The following FGD4 variants were observed in gnomAD, a reference collection of about 807,000 sequenced individuals.
The protein encoded by FGD4 is FYVE, RhoGEF and PH domain containing 4, also known as FYVE, RhoGEF and PH domain-containing protein 4.
In FGD4, 42 loss-of-function variants were observed where a neutral mutation model predicts 102.0. The observed-to-expected ratio is 0.41, with a 90% CI of 0.32 to 0.53. FGD4 has a LOEUF of 0.53. Among genes scored for constraint, FGD4 ranks in the 20% least tolerant of loss-of-function variants. The probability of loss-of-function intolerance (pLI) is 0.21; values close to 1 mark genes in which losing one functional copy is unlikely to be tolerated. For missense variants in FGD4, 902 were observed against 1,078.2 expected, an observed-to-expected ratio of 0.84 and a Z score of 2.29; for synonymous variants, 380 against 375.7, an observed-to-expected ratio of 1.01 and a Z score of -0.13.
chr12:32,447,058 T>TAC (rs1942637992), intron 1 of FGD4, among the ~76,000 whole-genome samples: 1 of 152,124 alleles, frequency 6.6e-6, no homozygotes, highest in Admixed American at 6.5e-5. Flanking sequence ...AGTCCCTATA[T>TAC]ACACACAAAA....
At chr12:32,602,418 C>A in intron 7 of FGD4, 101 bp downstream of exon 7, 2 of 1,397,146 alleles carry the variant, frequency 1.4e-6, no homozygotes, top group Non-Finnish European at 2.0e-6. Flanking sequence ...GTCTGAGATA[C>A]CTAGCCAAAA....
chr12:32,622,298 G>A (rs1240716192), intron 11 of FGD4, among the ~76,000 whole-genome samples: 1 of 152,200 alleles, frequency 6.6e-6, no homozygotes, highest in Non-Finnish European at 1.5e-5. Flanking sequence ...TCTAACTACA[G>A]GGTAGATATT....
intron 3 of FGD4, among the ~76,000 whole-genome samples, chr12:32,581,610 CTAAG>C (rs1457239725): frequency 6.6e-6 from 1 of 152,044 alleles, no homozygotes; most frequent in African/African-American, 2.4e-5. Flanking sequence ...TTATATCTAA[CTAAG>C]TCTTTACTAA....
intron 1 of FGD4, among the ~76,000 whole-genome samples, chr12:32,400,203 AT>A (rs1244446420): frequency 6.6e-6 from 1 of 152,216 alleles, no homozygotes; most frequent in Non-Finnish European, 1.5e-5. Context: ...TTCTCAGAAA[AT>A]TCAGAAAGTA....
intron 2 of FGD4, among the ~76,000 whole-genome samples, chr12:32,571,508 A>G (rs1565856185): frequency 6.6e-6 from 1 of 152,224 alleles, no homozygotes; most frequent in South Asian, 2.1e-4. Context: ...ATGGGTTACA[A>G]GAAGTATTGA....
intron 1 of FGD4, among the ~76,000 whole-genome samples, chr12:32,490,615 T>TCTTGAACTCCTGAC (rs200786802): frequency 0.034 from 5,195 of 152,142 alleles, 155 homozygotes; most frequent in South Asian, 0.13. Flanking sequence ...GCCAGGCTGG[T>TCTTGAACTCCTGAC]CTTGAACTCC....
At chr12:32,524,833 AAAAAT>A (rs1315459725) in intron 1 of FGD4, among the ~76,000 whole-genome samples, 2 of 152,212 alleles carry the variant, frequency 1.3e-5, no homozygotes, top group African/African-American at 4.8e-5. Flanking sequence ...CAAAAAAAAA[AAAAAT>A]GAGCACAGAG....
intron 1 of FGD4, among the ~76,000 whole-genome samples, chr12:32,554,632 T>C (rs1565834131): frequency 6.6e-6 from 1 of 152,158 alleles, no homozygotes; most frequent in Non-Finnish European, 1.5e-5. Context: ...TAGAAAGCCA[T>C]AGGTGCTACA....
At chr12:32,454,514 T>A (rs1412510783) in intron 1 of FGD4, among the ~76,000 whole-genome samples, 1 of 152,226 alleles carries the variant, frequency 6.6e-6, no homozygotes, top group African/African-American at 2.4e-5. Flanking sequence ...TGGTCTTAAT[T>A]TCATAGGCAC....
chr12:32,413,305 A>G (rs1181396058), intron 1 of FGD4, among the ~76,000 whole-genome samples: 3 of 152,154 alleles, frequency 2.0e-5, no homozygotes, highest in Non-Finnish European at 4.4e-5. Flanking sequence ...AAACCTATTT[A>G]TAGAAAAAAA....
intron 1 of FGD4, among the ~76,000 whole-genome samples, chr12:32,512,169 G>A (rs1047748240): frequency 4.6e-5 from 7 of 152,060 alleles, no homozygotes; most frequent in Non-Finnish European, 8.8e-5. Context: ...GCTTGTGGCC[G>A]GGTGCAGTGG....
At chr12:32,402,374 G>A (rs993551342) in intron 1 of FGD4, among the ~76,000 whole-genome samples, 3 of 151,508 alleles carry the variant, frequency 2.0e-5, no homozygotes, top group African/African-American at 7.3e-5. Context: ...TTCCAGCCTG[G>A]GCAACAGAGT....
At chr12:32,504,570 T>C (rs1338472573) in intron 1 of FGD4, among the ~76,000 whole-genome samples, 4 of 152,248 alleles carry the variant, frequency 2.6e-5, no homozygotes, top group African/African-American at 9.6e-5. Context: ...CTGAGGTGTC[T>C]GTGGTTTCTT....
chr12:32,425,852 C>T (rs558754713), intron 1 of FGD4, among the ~76,000 whole-genome samples: 1 of 152,144 alleles, frequency 6.6e-6, no homozygotes, highest in East Asian at 1.9e-4. Flanking sequence ...TGGGAATTCA[C>T]TCATGATTTG....
intron 4 of FGD4, among the ~76,000 whole-genome samples, chr12:32,584,193 A>G (rs7302616): frequency 0.091 from 13,840 of 152,218 alleles, 2,096 homozygotes; most frequent in African/African-American, 0.31. Flanking sequence ...AGAAAAAGCA[A>G]ATTTTCTCTG....
chr12:32,603,390 A>C (rs983078082), intron 7 of FGD4, among the ~76,000 whole-genome samples: 1 of 146,686 alleles, frequency 6.8e-6, no homozygotes, highest in East Asian at 2.0e-4. Context: ...TATTTTATTT[A>C]TTTTTTTTTT....
intron 1 of FGD4, among the ~76,000 whole-genome samples, chr12:32,519,641 A>G (rs1048240694): frequency 1.6e-4 from 25 of 151,916 alleles, no homozygotes; most frequent in African/African-American, 6.0e-4. Flanking sequence ...AAAATAAAAT[A>G]AAATAAAAAA....
intron 8 of FGD4, among the ~76,000 whole-genome samples, chr12:32,608,552 C>T (rs1415600376): frequency 6.6e-6 from 1 of 152,104 alleles, no homozygotes; most frequent in Admixed American, 6.5e-5. Flanking sequence ...GGAAATGGTG[C>T]TTTTTATTGT....
At chr12:32,451,120 T>G (rs940962844) in intron 1 of FGD4, among the ~76,000 whole-genome samples, 4 of 152,222 alleles carry the variant, frequency 2.6e-5, no homozygotes, top group African/African-American at 4.8e-5. Flanking sequence ...CTTATTGAGG[T>G]CTTGCCTATC....
Sources: gnomAD v4.1 joint callset for allele counts (sites outside exome capture counted in the v4.1 genomes callset) on GRCh38, gnomAD v4.1.1 for gene constraint, MANE v1.5 for transcripts, NCBI Gene and HGNC (gene_info 2026-07-23, HGNC 2026-07-21) for gene names.